The following UNC80 variants were observed in gnomAD, a reference collection of about 807,000 sequenced individuals.
The protein encoded by UNC80 is protein unc-80 homolog.
UNC80 carries 164 observed loss-of-function variants against 384.6 expected under a neutral mutation model. The ratio of observed to expected loss-of-function variants is 0.43; its 90% CI spans 0.38 to 0.49. UNC80 has a LOEUF of 0.49. Ranked by LOEUF, UNC80 falls within the 20% of genes least tolerant of loss-of-function variation. UNC80 has a pLI of 0.00. For missense variants in UNC80, 3,330 were observed against 4,143.0 expected, an observed-to-expected ratio of 0.80 and a Z score of 5.39; for synonymous variants, 1,486 against 1,527.8, an observed-to-expected ratio of 0.97 and a Z score of 0.64.
At position 209,774,517 on chromosome 2, in the gene UNC80, G is replaced by A. The variant is rs115575868; in HGVS notation, c.142-1372G>A. Among the ~76,000 whole-genome samples, 1,080 of 152,126 alleles carry A rather than the reference G, an allele frequency of 7.1e-3. 19 individuals carry two copies. Among genetic ancestry groups the A allele is most frequent in the African/African-American group, 0.024 (1,008 of 41,488 alleles). The stretch of plus-strand genomic sequence containing the variant: ...CTCAATATAGAAAACAATTTCCCAA[G>A]TTTTAAAAAAATTATTAAAAGTTGT... On this transcript the variant is annotated intron_variant, in intron 2 of 64. Coordinates refer to ENST00000673920, the MANE Select transcript of UNC80 (RefSeq NM_001371986.1).
intron 31 of UNC80, among the ~76,000 whole-genome samples, chr2:209,915,264 G>C (rs1046880547): frequency 1.3e-5 from 2 of 151,910 alleles, no homozygotes; most frequent in East Asian, 3.9e-4. Flanking sequence ...AATTAGCCGG[G>C]CATGGTGGCA....
At chr2:209,950,052 A>C (rs6737494) in intron 47 of UNC80, among the ~76,000 whole-genome samples, 15,803 of 151,388 alleles carry the variant, frequency 0.1, 2,031 homozygotes, top group African/African-American at 0.3. Context: ...GGCTGGTCTC[A>C]AACTCCTGAG....
intron 26 of UNC80, among the ~76,000 whole-genome samples, chr2:209,889,540 C>T (rs960412210): frequency 3.3e-5 from 5 of 152,062 alleles, no homozygotes; most frequent in African/African-American, 7.2e-5. Flanking sequence ...ATGTGCAGAA[C>T]GTGCATGTTT....
At chr2:209,845,087 TAAA>T (rs72276428) in intron 21 of UNC80, 3 of 136,012 alleles carry the variant, frequency 2.2e-5, no homozygotes, top group Non-Finnish European at 3.2e-5. Flanking sequence ...ATGCCCTTCT[TAAA>T]AAAAAAAAAA....
chr2:209,957,160 G>A (rs2092448689), intron 48 of UNC80, among the ~76,000 whole-genome samples: 1 of 152,182 alleles, frequency 6.6e-6, no homozygotes, highest in Admixed American at 6.5e-5. Context: ...GTAGCCTTAG[G>A]TGTGATGTGA....
intron 7 of UNC80, among the ~76,000 whole-genome samples, chr2:209,812,079 T>A (rs943070575): frequency 6.6e-6 from 1 of 152,204 alleles, no homozygotes; most frequent in Non-Finnish European, 1.5e-5. Flanking sequence ...AGATGGAGTC[T>A]CGCTCCGTAG....
chr2:209,914,357 G>GT (rs1337235121), intron 31 of UNC80, among the ~76,000 whole-genome samples: 1 of 152,212 alleles, frequency 6.6e-6, no homozygotes, highest in Non-Finnish European at 1.5e-5. Context: ...GTATTAAAAT[G>GT]TAAGTGATTT....
At chr2:209,908,652 T>C (rs951603320) in intron 29 of UNC80, among the ~76,000 whole-genome samples, 1 of 152,160 alleles carries the variant, frequency 6.6e-6, no homozygotes, top group African/African-American at 2.4e-5. Flanking sequence ...ACAGTGTGGG[T>C]AAATTCCATA....
chr2:209,996,361 C>T lies in UNC80; in HGVS notation c.*766C>T, dbSNP rs567262830. ...TAAACAGCCTATACAATTATAAAAA[C>T]TAAATGTATATATAATCACTTAAAA... On this transcript the variant is annotated 3_prime_UTR_variant, in exon 65 of 65. Transcript: ENST00000673920. 1 of 152,232 alleles carries T rather than the reference C, an allele frequency of 6.6e-6. No homozygotes were observed. The highest frequency in any genetic ancestry group is 2.1e-4 in the South Asian group (1 of 4,826). The allele number at this position is 152,232 out of a possible 1,614,324, so 9.4% of individuals were successfully genotyped here.
At chr2:209,994,453 T>G (rs1378605872) in intron 64 of UNC80, among the ~76,000 whole-genome samples, 189 bp downstream of exon 64, 1 of 152,148 alleles carries the variant, frequency 6.6e-6, no homozygotes, top group East Asian at 1.9e-4. Context: ...TATATCTGCT[T>G]AAGAAGGACC....
At chr2:209,851,126 T>C (rs2082499302) in intron 22 of UNC80, among the ~76,000 whole-genome samples, 1 of 151,636 alleles carries the variant, frequency 6.6e-6, no homozygotes, top group Non-Finnish European at 1.5e-5. Context: ...AGAAATGCTC[T>C]GTTAATTTAC....
intron 4 of UNC80, among the ~76,000 whole-genome samples, chr2:209,781,907 G>A (rs2153824956): frequency 6.6e-6 from 1 of 152,228 alleles, no homozygotes; most frequent in South Asian, 2.1e-4. Context: ...TTAGATAATG[G>A]ATGTATTCAC....
At position 209,982,306 on chromosome 2, in the gene UNC80, A is replaced by G. The variant is rs1381586318; in HGVS notation, c.9246A>G (p.Leu3082=). The change falls in exon 60 of 65, where the codon CTA becomes CTG. Residue 3082 remains leucine (L), a synonymous_variant. Transcript: ENST00000673920. The part of the protein sequence containing the change: ...MSVPQAEVGM[L]PSQSEPNVLD... ...TACCTCAGGCTGAGGTGGGCATGCT[A>G]CCCAGCCAGAGGTAAACAGCTATGG... 3.9e-6 allele frequency: 6 copies of G among 1,551,204 alleles called. No individual in the cohort carries two copies. Among genetic ancestry groups the G allele is most frequent in the Non-Finnish European group, 5.2e-6 (6 of 1,146,786 alleles).
chr2:209,772,221 CCGCCCGGGT>C lies in UNC80; in HGVS notation c.92+62_92+70del. 3.6e-6 allele frequency: 4 copies of C among 1,107,758 alleles called. No homozygotes were observed. The South Asian group carries it at 1.5e-4, about 43-fold the overall frequency. The allele number at this position is 1,107,758 out of a possible 1,614,324, so 68.6% of individuals were successfully genotyped here. On this transcript the variant is annotated intron_variant, in intron 1 of 64. Transcript: ENST00000673920. ...CCCTGGGCTGGGGGCGCTCCTGGGG[CCGCCCGGGT>C]CGCCGCTGCCGCCGCCGCCGCTGAG...
chr2:209,840,518 CTAAGTGAT>C lies in UNC80; in HGVS notation c.3251-22_3251-15del. ...ATTGGATAGAAAATGCTACATTGATCTAAGTGATTTAACTATTAAATAGGGAACTGGCT... is the reference window on the plus strand; with the variant it reads ...ATTGGATAGAAAATGCTACATTGATCTTAACTATTAAATAGGGAACTGGCT... On this transcript the variant is annotated splice_polypyrimidine_tract_variant and intron_variant, in intron 19 of 64. Transcript: ENST00000673920. The C allele has an allele frequency of 6.5e-7, 1 of 1,534,640 alleles. No homozygotes were observed. Among genetic ancestry groups the C allele is most frequent in the African/African-American group, 1.4e-5 (1 of 72,826 alleles).
chr2:209,946,369 G>GA (rs553758753), intron 47 of UNC80, among the ~76,000 whole-genome samples: 2,854 of 108,736 alleles, frequency 0.026, 59 homozygotes, highest in African/African-American at 0.066. Flanking sequence ...GACTTTGTCA[G>GA]AAAAAAAAAA....
At chr2:209,859,368 A>AT (rs1031643132) in intron 22 of UNC80, among the ~76,000 whole-genome samples, 7 of 151,988 alleles carry the variant, frequency 4.6e-5, no homozygotes, top group Non-Finnish European at 1.0e-4. Context: ...ACGTTATCTC[A>AT]TTTTTTATGG....
At chr2:209,774,964 T>A (rs954472927) in intron 2 of UNC80, among the ~76,000 whole-genome samples, 1 of 152,194 alleles carries the variant, frequency 6.6e-6, no homozygotes, top group Non-Finnish European at 1.5e-5. Context: ...ATTCCAATAA[T>A]ACAGTTTGAA....
chr2:209,852,933 A>G (rs1436391942), intron 22 of UNC80, among the ~76,000 whole-genome samples: 1 of 152,110 alleles, frequency 6.6e-6, no homozygotes, highest in Non-Finnish European at 1.5e-5. Context: ...TAATATAAAT[A>G]GATGTAAATA....
Sources: allele counts gnomAD v4.1 joint callset (sites outside exome capture counted in the v4.1 genomes callset), GRCh38; gene constraint gnomAD v4.1.1; transcripts MANE v1.5; gene names NCBI Gene and HGNC (gene_info 2026-07-23, HGNC 2026-07-21).